MINDY4: variants seen among roughly 807,000 people sequenced by gnomAD.
MINDY4 encodes the protein probable ubiquitin carboxyl-terminal hydrolase MINDY-4.
A neutral mutation model predicts 87.0 loss-of-function variants in MINDY4; 68 were observed. The observed-to-expected ratio is 0.78, with a 90% confidence interval of 0.64 to 0.96. The LOEUF (loss-of-function observed/expected upper bound fraction) is 0.96. MINDY4 is among the 40% of genes least tolerant of loss of function. The probability of loss-of-function intolerance (pLI) is 0.00; values close to 1 mark genes in which losing one functional copy is unlikely to be tolerated. For missense variants in MINDY4, 919 were observed against 928.2 expected (o/e 0.99, Z 0.13); for synonymous variants, 379 against 363.2 (o/e 1.04, Z -0.50).
chr7:30,855,689 G>T (rs754729522), intron 12 of MINDY4, among the ~76,000 whole-genome samples: 13 of 152,228 alleles, frequency 8.5e-5, no homozygotes, highest in Non-Finnish European at 1.8e-4. Flanking sequence ...CCAGGGCTTT[G>T]ATGAAGCCTA....
At chr7:30,857,198 G>A (rs576336613) in intron 12 of MINDY4, among the ~76,000 whole-genome samples, 8 of 152,272 alleles carry the variant, frequency 5.3e-5, no homozygotes, top group South Asian at 2.1e-4. Context: ...ACCTTTGCAC[G>A]TGCTTCTCCT....
chr7:30,866,290 G>A (rs755652998), intron 13 of MINDY4, among the ~76,000 whole-genome samples: 1 of 152,234 alleles, frequency 6.6e-6, no homozygotes, highest in East Asian at 1.9e-4. Flanking sequence ...AAGAGGACAG[G>A]CCTCAGAAGG....
chr7:30,860,924 C>T (rs966558712), intron 13 of MINDY4, among the ~76,000 whole-genome samples: 3 of 152,170 alleles, frequency 2.0e-5, no homozygotes, highest in Non-Finnish European at 4.4e-5. Flanking sequence ...CCTGAAGTCA[C>T]ACCCCTGCCA....
chr7:30,840,823 G>A lies in MINDY4; in HGVS notation c.1420G>A (p.Gly474Arg), dbSNP rs769554555. ...GCVLQKLLFE[G>R]DSKADCAQGL... is the part of the protein sequence containing the mutation. ...TGTCCTACAGAAACTCCTGTTTGAA[G>A]GAGATAGCAAAGCCGACTGTGCTCA... The change falls in exon 9 of 18, where the codon GGA (glycine) becomes AGA (arginine). Residue 474 changes from glycine to arginine, a missense_variant. Physicochemically the swap from Gly to Arg is moderately radical, Grantham distance 125. Transcript: ENST00000265299. The A allele has an allele frequency of 6.2e-6, 10 of 1,614,066 alleles. No homozygotes were observed. The African/African-American group carries it at 1.3e-4, about 22-fold the overall frequency.
At position 30,785,799 on chromosome 7, in the gene MINDY4, G is replaced by T; in HGVS notation, c.470G>T (p.Arg157Met). ...CTTGGTAATTTTGTATCATCTAAAAGGCCCCCGCACAAAAGTAAGCCCATG... is the reference window on the plus strand; with the variant it reads ...CTTGGTAATTTTGTATCATCTAAAATGCCCCCGCACAAAAGTAAGCCCATG... ...DVLGNFVSSK[R>M]PPHKSKPMQT... The change falls in exon 4 of 18, where the codon AGG becomes ATG. Residue 157 changes from arginine (R) to methionine (M), a missense_variant. Physicochemically the swap from Arg to Met is moderately conservative, Grantham distance 91. Transcript: ENST00000265299. 1 of 1,614,162 alleles carries T rather than the reference G, an allele frequency of 6.2e-7. No individual in the cohort carries two copies. Among genetic ancestry groups the T allele is most frequent in the Non-Finnish European group, 8.5e-7 (1 of 1,180,026 alleles).
intron 5 of MINDY4, among the ~76,000 whole-genome samples, chr7:30,798,055 T>C (rs565904845): frequency 1.3e-5 from 2 of 152,270 alleles, no homozygotes; most frequent in East Asian, 3.9e-4. Context: ...GGAAACATCA[T>C]AGAGTGTACT....
intron 5 of MINDY4, among the ~76,000 whole-genome samples, chr7:30,817,969 T>C (rs146246025): frequency 9.4e-4 from 143 of 152,294 alleles, no homozygotes; most frequent in Non-Finnish European, 1.5e-3. Context: ...TGCCCTCTAG[T>C]ATGTATATCA....
At chr7:30,859,035 GC>G (rs1328762779) in intron 12 of MINDY4, 5 of 710,696 alleles carry the variant, frequency 7.0e-6, no homozygotes, top group Non-Finnish European at 1.3e-5. Flanking sequence ...CTCTTTGGTG[GC>G]CCCTGCATCA....
intron 5 of MINDY4, among the ~76,000 whole-genome samples, chr7:30,824,847 A>C (rs1024882801): frequency 2.0e-5 from 3 of 152,216 alleles, no homozygotes; most frequent in Non-Finnish European, 2.9e-5. Context: ...GGCATGAGCC[A>C]CCACACCTTG....
chr7:30,843,874 G>T (rs902326943), intron 9 of MINDY4, among the ~76,000 whole-genome samples: 2 of 152,190 alleles, frequency 1.3e-5, no homozygotes, highest in Admixed American at 6.5e-5. Context: ...GCCTGTTGGG[G>T]GTCATCATGT....
At chr7:30,804,935 A>G (rs1787761674) in intron 5 of MINDY4, among the ~76,000 whole-genome samples, 1 of 152,186 alleles carries the variant, frequency 6.6e-6, no homozygotes, top group South Asian at 2.1e-4. Context: ...GAGGTGGGCA[A>G]GTTGGTGTAG....
chr7:30,817,166 C>G (rs1562540794), intron 5 of MINDY4, among the ~76,000 whole-genome samples: 1 of 152,128 alleles, frequency 6.6e-6, no homozygotes, highest in African/African-American at 2.4e-5. Flanking sequence ...CCCATCCTCT[C>G]CCTGGAGCTT....
At chr7:30,844,995 A>G (rs963928537) in intron 9 of MINDY4, among the ~76,000 whole-genome samples, 14 of 152,124 alleles carry the variant, frequency 9.2e-5, no homozygotes, top group African/African-American at 3.1e-4. Flanking sequence ...CCAGAGAGGG[A>G]AAGATGGTTG....
At chr7:30,883,077 A>C in intron 17 of MINDY4, 84 bp downstream of exon 17, 1 of 1,326,106 alleles carries the variant, frequency 7.5e-7, no homozygotes, top group Non-Finnish European at 1.1e-6. Flanking sequence ...GCCTGCAGGA[A>C]GGCAGATAGG....
At position 30,850,486 on chromosome 7, in the gene MINDY4, G is replaced by C; in HGVS notation, c.1478G>C (p.Arg493Pro). The C allele has an allele frequency of 6.2e-7, 1 of 1,612,276 alleles. No homozygotes were observed. Reference sequence around the variant, plus strand: ...CAGCCTTCAGATGCCCACCGGACCCGCTGCCTCGTCCTGGCCCTCGCAGAC... The same window carrying C: ...CAGCCTTCAGATGCCCACCGGACCCCCTGCCTCGTCCTGGCCCTCGCAGAC... Reference protein sequence around the residue: ...GLQPSDAHRTRCLVLALADIV... With the variant: ...GLQPSDAHRTPCLVLALADIV... Residue 493 changes from arginine (R) to proline (P), a missense_variant, in exon 10 of 18, where the codon CGC becomes CCC. Transcript: ENST00000265299.
At chr7:30,790,406 C>A (rs1787284384) in intron 4 of MINDY4, among the ~76,000 whole-genome samples, 1 of 152,032 alleles carries the variant, frequency 6.6e-6, no homozygotes, top group Non-Finnish European at 1.5e-5. Context: ...TAAGAATTTA[C>A]CACAGGATTT....
chr7:30,774,709 G>A (rs554382127), intron 1 of MINDY4, among the ~76,000 whole-genome samples: 1 of 151,836 alleles, frequency 6.6e-6, no homozygotes, highest in East Asian at 2.0e-4. Context: ...ACAGTTGATT[G>A]TGTCCTTCTG....
Position 30,791,381 on chromosome 7 carries a change from C to T in MINDY4, c.880C>T (p.Pro294Ser), listed in dbSNP as rs1280797183. ...KTTASSPPHLPSKRLPPWDRA... is the reference protein window; with the variant it reads ...KTTASSPPHLSSKRLPPWDRA... ...CACTGCCAGCAGCCCTCCCCATCTG[C>T]CCAGCAAACGGCTGCCCCCATGGGA... The change falls in exon 5 of 18, where the codon CCC becomes TCC. Residue 294 changes from proline (P) to serine (S), a missense_variant. By Grantham distance (74) the Pro-to-Ser change is moderately conservative. Coordinates refer to ENST00000265299, the MANE Select transcript of MINDY4 (RefSeq NM_032222.3). 6 of 1,614,012 alleles carry T rather than the reference C, an allele frequency of 3.7e-6. No homozygotes were observed. Among genetic ancestry groups the T allele is most frequent in the South Asian group, 3.3e-5 (3 of 91,086 alleles).
chr7:30,878,946 C>T (rs1263149521), intron 15 of MINDY4, among the ~76,000 whole-genome samples: 1 of 152,244 alleles, frequency 6.6e-6, no homozygotes, highest in Non-Finnish European at 1.5e-5. Context: ...CTGTGACAGC[C>T]TAGCCAAATT....
Sources: allele counts gnomAD v4.1 joint callset (sites outside exome capture counted in the v4.1 genomes callset), GRCh38; gene constraint gnomAD v4.1.1; transcripts MANE v1.5; gene names NCBI Gene and HGNC (gene_info 2026-07-23, HGNC 2026-07-21).